NAA38: variants seen among roughly 807,000 people sequenced by gnomAD.
The protein encoded by NAA38 is LSM domain containing 1.
NAA38 carries 15 observed loss-of-function variants against 12.6 expected under a neutral mutation model. The ratio of observed to expected loss-of-function variants is 1.19; its 90% confidence interval spans 0.79 to 1.83. The LOEUF (loss-of-function observed/expected upper bound fraction) is 1.83, where lower values mean the gene tolerates loss of function less well. Ranked by LOEUF, NAA38 falls within the 40% of genes most tolerant of loss-of-function variation. NAA38 has a pLI of 0.00. For missense variants in NAA38, 183 were observed against 171.7 expected, an observed-to-expected ratio of 1.07 and a Z score of -0.37; for synonymous variants, 88 against 69.9, an observed-to-expected ratio of 1.26 and a Z score of -1.29.
chr17:7,884,637 G>T (rs1597889464), intron 1 of NAA38, among the ~76,000 whole-genome samples: 1 of 143,306 alleles, frequency 7.0e-6, no homozygotes, highest in African/African-American at 2.6e-5. Flanking sequence ...TCGGAGGGGG[G>T]TGGCCCGGGG....
chr17:7,885,343 GCCA>G (rs994404607), upstream of NAA38: 4 of 176,866 alleles, frequency 2.3e-5, no homozygotes, highest in African/African-American at 9.7e-5. Context: ...CGCCGCCGCC[GCCA>G]CCCCGGCTGG....
chr17:7,878,105 G>A (rs1241630312), intron 2 of NAA38, among the ~76,000 whole-genome samples: 1 of 151,808 alleles, frequency 6.6e-6, no homozygotes, highest in Non-Finnish European at 1.5e-5. Context: ...TTTTAAATTA[G>A]AAAGAAAAAC....
At chr17:7,866,168 G>A (rs181857245) in intron 3 of NAA38, 3,567 of 172,384 alleles carry the variant, frequency 0.021, 63 homozygotes, top group Middle Eastern at 0.077. Context: ...CTCACTGCAA[G>A]CTCCGCCTCC....
intron 2 of NAA38, among the ~76,000 whole-genome samples, chr17:7,875,151 C>T (rs1010003955): frequency 5.3e-5 from 8 of 150,102 alleles, no homozygotes; most frequent in Admixed American, 2.0e-4. Flanking sequence ...GCTGTGATCA[C>T]GCCACTGCAC....
At chr17:7,876,887 A>G (rs1364260431) in intron 2 of NAA38, among the ~76,000 whole-genome samples, 2 of 152,184 alleles carry the variant, frequency 1.3e-5, no homozygotes, top group Non-Finnish European at 2.9e-5. Flanking sequence ...GGATATTCAC[A>G]TATTTTTTTC....
At chr17:7,866,459 ACTTCT>A (rs1966985110) in intron 3 of NAA38, 6 of 1,231,130 alleles carry the variant, frequency 4.9e-6, no homozygotes, top group Non-Finnish European at 6.1e-6. Context: ...AAGGCAACCT[ACTTCT>A]CTTAAGATGA....
chr17:7,871,748 G>A (rs765983908), intron 2 of NAA38, among the ~76,000 whole-genome samples: 24 of 152,232 alleles, frequency 1.6e-4, no homozygotes, highest in Non-Finnish European at 2.8e-4. Flanking sequence ...TCCGCCTCCC[G>A]AGTTCAAGCA....
intron 2 of NAA38, among the ~76,000 whole-genome samples, chr17:7,870,960 C>T (rs1354549554): frequency 6.6e-6 from 1 of 151,846 alleles, no homozygotes; most frequent in African/African-American, 2.4e-5. Context: ...CTCCTGGGCT[C>T]AAGTGATCCA....
chr17:7,858,164 A>T, upstream of NAA38: 1 of 1,613,718 alleles, frequency 6.2e-7, no homozygotes. Flanking sequence ...TGGCTGGGCC[A>T]GACTTGGAGT....
At chr17:7,880,944 A>G (rs1392605704) in intron 2 of NAA38, among the ~76,000 whole-genome samples, 1 of 152,194 alleles carries the variant, frequency 6.6e-6, no homozygotes, top group Non-Finnish European at 1.5e-5. Context: ...CACTTGGTAG[A>G]ATCAAAAAGA....
chr17:7,869,420 A>G (rs961616576), intron 2 of NAA38, among the ~76,000 whole-genome samples: 3 of 152,166 alleles, frequency 2.0e-5, no homozygotes, highest in African/African-American at 2.4e-5. Context: ...GGAATATAGA[A>G]TAAGTTGATT....
upstream of NAA38, chr17:7,858,932 T>G: frequency 9.2e-7 from 1 of 1,084,072 alleles, no homozygotes; most frequent in Non-Finnish European, 1.3e-6. Context: ...GAGTGTATTT[T>G]CTGTCCTTTA....
At position 7,856,696 on chromosome 17, in the gene NAA38, G is replaced by A. The variant is rs569962917; in HGVS notation, c.*35C>T. On this transcript the variant is annotated 3_prime_UTR_variant, in exon 3 of 3. Transcript: ENST00000575771. Reference sequence around the variant, plus strand: ...CAGACACAGGCCCATTCGGTCATAAGTTTAATGAAGTCTGAAAGGTAAGCG... The same window carrying A: ...CAGACACAGGCCCATTCGGTCATAAATTTAATGAAGTCTGAAAGGTAAGCG... 6.4e-7 allele frequency: 1 copy of A among 1,559,320 alleles called. No homozygotes were observed. Among genetic ancestry groups the A allele is most frequent in the African/African-American group, 1.4e-5 (1 of 73,880 alleles).
At chr17:7,857,735 G>A (rs1019879804), upstream of NAA38, 22 of 1,281,116 alleles carry the variant, frequency 1.7e-5, no homozygotes, top group Non-Finnish European at 2.1e-5. Flanking sequence ...GGAATTTAGC[G>A]AGAATACATT....
At chr17:7,872,121 C>T (rs1967095845) in intron 2 of NAA38, among the ~76,000 whole-genome samples, 1 of 152,184 alleles carries the variant, frequency 6.6e-6, no homozygotes, top group Admixed American at 6.5e-5. Context: ...ATAAAATGGT[C>T]TGTCATTAAT....
intron 2 of NAA38, among the ~76,000 whole-genome samples, chr17:7,872,517 C>G (rs1422688499): frequency 6.6e-6 from 1 of 152,222 alleles, no homozygotes; most frequent in Admixed American, 6.5e-5. Context: ...CATGCGCCAC[C>G]ACGCCCGGCT....
upstream of NAA38, chr17:7,858,805 C>A (rs755928080): frequency 6.4e-7 from 1 of 1,555,534 alleles, no homozygotes; most frequent in Non-Finnish European, 8.7e-7. Flanking sequence ...ACGCTCACGT[C>A]GCAGGAGCAC....
intron 3 of NAA38, among the ~76,000 whole-genome samples, chr17:7,866,253 ATTTTTTTTTTT>A (rs56289148): frequency 8.8e-5 from 8 of 90,590 alleles, no homozygotes; most frequent in South Asian, 5.1e-4. Flanking sequence ...AGCCCGGCTA[ATTTTTTTTTTT>A]TTTTTTTTTT....
upstream of NAA38, chr17:7,859,472 A>T: frequency 6.2e-7 from 1 of 1,614,148 alleles, no homozygotes; most frequent in Non-Finnish European, 8.5e-7. Flanking sequence ...ATATGAAGGG[A>T]AGAACCTGAA....
Sources: gnomAD v4.1 joint callset for allele counts (sites outside exome capture counted in the v4.1 genomes callset) on GRCh38, gnomAD v4.1.1 for gene constraint, MANE v1.5 for transcripts, NCBI Gene and HGNC (gene_info 2026-07-23, HGNC 2026-07-21) for gene names.